Variants in TRIM67 observed in about 807,000 individuals in gnomAD.
TRIM67 encodes tripartite motif-containing protein 67.
A neutral mutation model predicts 71.0 loss-of-function variants in TRIM67; 39 were observed. The observed-to-expected ratio is 0.55, with a 90% CI of 0.43 to 0.72. The LOEUF (loss-of-function observed/expected upper bound fraction) is 0.72, where lower values mean the gene tolerates loss of function less well. TRIM67 is among the 30% of genes least tolerant of loss of function. TRIM67 has a pLI of 0.00. For synonymous variants in TRIM67, 481 were observed against 473.9 expected (o/e 1.01, Z -0.19); for missense variants, 973 against 1,079.2 (o/e 0.90, Z 1.38).
At position 231,164,006 on chromosome 1, in the gene TRIM67, A is replaced by G. The variant is rs1469424246; in HGVS notation, c.1037A>G (p.Gln346Arg). The part of the protein sequence containing the change: ...EVKPLGAMWK[Q>R]HKAQLSQALN... ...AAGCCGCTGGGGGCCATGTGGAAGC[A>G]GCACAAGGTGAGCCCGCGGGACGCG... The change falls in exon 1 of 10, where the codon CAG (glutamine) becomes CGG (arginine). Residue 346 changes from glutamine to arginine, a missense_variant. Physicochemically the swap from Gln to Arg is conservative, Grantham distance 43 (BLOSUM62 1). This residue lies in a region of TRIM67 where 795 missense variants were observed against 831.3 expected (regional missense o/e 0.96). Coordinates refer to ENST00000366653, the MANE Select transcript of TRIM67 (RefSeq NM_001004342.5). The G allele has an allele frequency of 1.3e-6, 2 of 1,550,686 alleles. No homozygotes were observed. Among genetic ancestry groups the G allele is most frequent in the Admixed American group, 3.7e-5 (2 of 53,632 alleles).
chr1:231,192,556 C>G (rs912470657), intron 1 of TRIM67, among the ~76,000 whole-genome samples: 1 of 152,232 alleles, frequency 6.6e-6, no homozygotes. Context: ...ATTATCAGGT[C>G]TGATTTCCAC....
chr1:231,162,168 C>G lies in TRIM67; in HGVS notation c.-802C>G, dbSNP rs1682302132. 2.0e-5 allele frequency: 3 copies of G among 152,174 alleles called. No individual in the cohort carries two copies. Among genetic ancestry groups the G allele is most frequent in the African/African-American group, 7.2e-5 (3 of 41,452 alleles). 9.4% of individuals were successfully genotyped at this position (152,174 alleles called of 1,614,324 possible). Reference sequence around the variant, plus strand: ...GCCCTCCGCCCGCCGGCTGCAGCGTCGCGCGGCCCAAGGTCAGAGGCGCCG... The same window carrying G: ...GCCCTCCGCCCGCCGGCTGCAGCGTGGCGCGGCCCAAGGTCAGAGGCGCCG... On this transcript the variant is annotated 5_prime_UTR_variant, in exon 1 of 10. Transcript: ENST00000366653.
chr1:231,162,979 G>A lies in TRIM67; in HGVS notation c.10G>A (p.Glu4Lys). Reference sequence around the variant, plus strand: ...GGCAGCCGGCGCCGCGATGGAGGAAGAGCTGAAGTGTCCCGTGTGCGGCTC... The same window carrying A: ...GGCAGCCGGCGCCGCGATGGAGGAAAAGCTGAAGTGTCCCGTGTGCGGCTC... MEE[E>K]LKCPVCGSLF... The change falls in exon 1 of 10, where the codon GAG becomes AAG. Residue 4 changes from glutamate (E) to lysine (K), a missense_variant. Glu to Lys is a moderately conservative substitution (Grantham distance 56). Transcript: ENST00000366653. The A allele has an allele frequency of 6.2e-7, 1 of 1,612,164 alleles. No homozygotes were observed. Among genetic ancestry groups the A allele is most frequent in the Non-Finnish European group, 8.5e-7 (1 of 1,179,268 alleles).
chr1:231,209,108 G>C lies in TRIM67; in HGVS notation c.1981G>C (p.Asp661His). ...CTGGGAGCTGCACGTGGACCGGTAC[G>C]ACAACCACCCAGACCCCGCCTTCGG... ...HYWELHVDRY[D>H]NHPDPAFGVA... The change falls in exon 8 of 10, where the codon GAC becomes CAC. Residue 661 changes from aspartate (D) to histidine (H), a missense_variant. Around this residue, in one of 2 missense-constraint regions of TRIM67, gnomAD observed 178 missense variants for 247.9 expected, o/e 0.72. Coordinates refer to ENST00000366653, the MANE Select transcript of TRIM67 (RefSeq NM_001004342.5). The surrounding 1 kb of genome is among the most constrained non-coding windows in gnomAD (Gnocchi z 4.1). The C allele has an allele frequency of 6.2e-7, 1 of 1,613,984 alleles. No individual in the cohort carries two copies. Among genetic ancestry groups the C allele is most frequent in the Non-Finnish European group, 8.5e-7 (1 of 1,179,874 alleles).
At chr1:231,201,804 T>G (rs1315540572) in intron 5 of TRIM67, among the ~76,000 whole-genome samples, 3 of 152,264 alleles carry the variant, frequency 2.0e-5, no homozygotes, top group Non-Finnish European at 4.4e-5. Flanking sequence ...GCTTGGAAAG[T>G]GTCTACCATG....
chr1:231,163,249 G>A lies in TRIM67; in HGVS notation c.280G>A (p.Gly94Ser), dbSNP rs1280593368. The A allele has an allele frequency of 5.3e-6, 8 of 1,509,598 alleles. No individual in the cohort carries two copies. The highest frequency in any genetic ancestry group is 7.1e-6 in the Non-Finnish European group (8 of 1,128,928). 93.5% of individuals were successfully genotyped at this position (1,509,598 alleles called of 1,614,324 possible). A position where few individuals can be genotyped will look rare whatever the true frequency, so the allele number is the denominator to read the frequency against. ...TGGCGGCCTCGGCGGCGGTGCGGGA[G>A]GTGGCGGAGACCACGCGGACAAGCT... ...AAGGLGGGAG[G>S]GGDHADKLSL... Residue 94 changes from glycine to serine, a missense_variant, in exon 1 of 10, where the codon GGT becomes AGT. Transcript: ENST00000366653.
At chr1:231,186,159 C>A in intron 1 of TRIM67, 2 of 1,531,038 alleles carry the variant, frequency 1.3e-6, no homozygotes, top group South Asian at 1.2e-5. Context: ...CAGGCTGAGG[C>A]GCTCCCTCTT....
Position 231,219,281 on chromosome 1 carries a change from C to G in TRIM67, c.*3841C>G. 1.0e-6 allele frequency: 1 copy of G among 980,026 alleles called. No individual in the cohort carries two copies. 60.7% of individuals were successfully genotyped at this position (980,026 alleles called of 1,614,324 possible). ...CCCATCATCTGCCAGTAGCAACCCC[C>G]AAGTTAGGTGTGACAACCAAAAGTA... On this transcript the variant is annotated 3_prime_UTR_variant, in exon 10 of 10. Transcript: ENST00000366653.
Position 231,216,595 on chromosome 1 carries a change from G to A in TRIM67, c.*1155G>A. On this transcript the variant is annotated 3_prime_UTR_variant, in exon 10 of 10. Coordinates refer to ENST00000366653, the MANE Select transcript of TRIM67 (RefSeq NM_001004342.5). ...TGAACACAAGTGGCCCCTGTGGCAG[G>A]CCGGGACGGCTCTGCCCTGATGCAG... 1.0e-6 allele frequency: 1 copy of A among 985,582 alleles called. No homozygotes were observed. Among genetic ancestry groups the A allele is most frequent in the Non-Finnish European group, 1.2e-6 (1 of 830,016 alleles). 61.1% of individuals were successfully genotyped at this position (985,582 alleles called of 1,614,324 possible).
chr1:231,185,957 G>A (rs1241437137), intron 1 of TRIM67: 16 of 788,912 alleles, frequency 2.0e-5, no homozygotes, highest in Non-Finnish European at 2.3e-5. Context: ...GTGACAGCCG[G>A]GACAAGGGCT....
chr1:231,170,420 T>C (rs1456139727), intron 1 of TRIM67, among the ~76,000 whole-genome samples: 1 of 152,210 alleles, frequency 6.6e-6, no homozygotes, highest in Non-Finnish European at 1.5e-5. Context: ...TAGAGAAATA[T>C]AAGAAATTAA....
chr1:231,178,029 A>G (rs1682801418), intron 1 of TRIM67, among the ~76,000 whole-genome samples: 1 of 152,236 alleles, frequency 6.6e-6, no homozygotes. Context: ...TGGGGACAGT[A>G]TGGAAAATGA....
intron 6 of TRIM67, among the ~76,000 whole-genome samples, chr1:231,205,073 G>T (rs1683658439): frequency 6.6e-6 from 1 of 152,184 alleles, no homozygotes; most frequent in Non-Finnish European, 1.5e-5. Flanking sequence ...AAACCAAGAG[G>T]AGAGCCAGTA....
At chr1:231,213,347 G>A (rs987239162) in intron 8 of TRIM67, among the ~76,000 whole-genome samples, 1 of 152,172 alleles carries the variant, frequency 6.6e-6, no homozygotes, top group African/African-American at 2.4e-5. Flanking sequence ...TGTGTCCACT[G>A]TGAGAGAAGG....
At chr1:231,191,355 G>A (rs550808101) in intron 1 of TRIM67, among the ~76,000 whole-genome samples, 8 of 152,260 alleles carry the variant, frequency 5.3e-5, no homozygotes, top group Admixed American at 2.6e-4. Flanking sequence ...GTGAGCCACC[G>A]TGCCAAGCCT....
At position 231,203,847 on chromosome 1, in the gene TRIM67, CAT is replaced by C. The variant is rs1491361315; in HGVS notation, c.1535-19_1535-18del. The C allele has an allele frequency of 7.5e-6, 12 of 1,609,326 alleles. No homozygotes were observed. The highest frequency in any genetic ancestry group is 4.0e-5 in the African/African-American group (3 of 74,904). ...CCTCGGAGGGCTTCCTGCGCTAACT[CAT>C]GTGTGTCCCCCTCGCAGTGCCACCC... On this transcript the variant is annotated intron_variant, in intron 5 of 9. Transcript: ENST00000366653.
chr1:231,167,529 A>G lies in TRIM67; in HGVS notation c.1044+3516A>G, dbSNP rs1262732551. 1.5e-5 allele frequency among the ~76,000 whole-genome samples: 2 copies of G among 131,726 alleles called. 1 individual carries two copies. Among genetic ancestry groups the G allele is most frequent in the African/African-American group, 6.8e-5 (2 of 29,400 alleles). The allele number at this position is 131,726 out of a possible 152,430, so 86.4% of individuals were successfully genotyped here. ...AGTAGAGACGGGGTTTCACCGTTTT[A>G]GCCGGGATGGTCTCGATCTCCTGAC... is the stretch of plus-strand genomic sequence containing the variant. On this transcript the variant is annotated intron_variant, in intron 1 of 9. Transcript: ENST00000366653.
chr1:231,215,287 A>T (rs1048391916), intron 9 of TRIM67, 88 bp from the exon 10 acceptor site: 11 of 1,513,214 alleles, frequency 7.3e-6, no homozygotes, highest in Admixed American at 2.0e-5. Context: ...CCAGCAGGGG[A>T]TCCTGCCGGT....
intron 1 of TRIM67, chr1:231,187,639 G>A (rs1383702334): frequency 4.5e-6 from 6 of 1,345,434 alleles, no homozygotes; most frequent in African/African-American, 1.5e-5. Context: ...TTTAATACAC[G>A]CCCCATCTCT....
Sources: gnomAD v4.1 joint callset for allele counts (sites outside exome capture counted in the v4.1 genomes callset) on GRCh38, gnomAD v4.1.1 for gene constraint, gnomAD v4.1.1 regional missense constraint, Gnocchi (gnomAD v3.1) non-coding constraint, MANE v1.5 for transcripts, NCBI Gene and HGNC (gene_info 2026-07-23, HGNC 2026-07-21) for gene names.